The following RUNX3 variants were observed in gnomAD, a reference collection of about 807,000 sequenced individuals.
The protein encoded by RUNX3 is RUNX family transcription factor 3, also known as runt-related transcription factor 3.
Under a neutral mutation model 27.7 loss-of-function variants are expected in RUNX3, and 10 were observed. The observed-to-expected ratio is 0.36, with a 90% CI of 0.22 to 0.61. The LOEUF is 0.61. RUNX3 is among the 20% of genes least tolerant of loss of function. RUNX3 has a pLI of 0.72. For missense variants in RUNX3, 469 were observed against 629.5 expected (o/e 0.75, Z 2.73); for synonymous variants, 270 against 269.2 (o/e 1.00, Z -0.03).
chr1:24,923,652 T>C lies in RUNX3; in HGVS notation c.439+3922A>G, dbSNP rs1419721342. ...CATTCTCTGCCTGGGTTCCTATGTGTATAAGGTCCCCGCCCCACCCACAGG... is the reference window on the plus strand; with the variant it reads ...CATTCTCTGCCTGGGTTCCTATGTGCATAAGGTCCCCGCCCCACCCACAGG... On this transcript the variant is annotated intron_variant, in intron 2 of 4. Transcript: ENST00000308873. This position sits in a 1 kb window ranked among gnomAD's most constrained non-coding sequence, Gnocchi z 5.9. 6.6e-6 allele frequency among the ~76,000 whole-genome samples: 1 copy of C among 151,996 alleles called. No homozygotes were observed. Among genetic ancestry groups the C allele is most frequent in the African/African-American group, 2.4e-5 (1 of 41,362 alleles).
chr1:24,938,112 G>A (rs553438872), intron 2 of RUNX3, among the ~76,000 whole-genome samples: 2 of 152,334 alleles, frequency 1.3e-5, no homozygotes, highest in Admixed American at 1.3e-4. Flanking sequence ...AGATTGCCAT[G>A]TCCTATAACC....
upstream of RUNX3, among the ~76,000 whole-genome samples, chr1:24,934,881 G>C (rs909561742): frequency 2.6e-5 from 4 of 152,282 alleles, no homozygotes; most frequent in African/African-American, 9.6e-5. Context: ...AGCAGCCCTG[G>C]GCTTGGAAAT....
intron 2 of RUNX3, among the ~76,000 whole-genome samples, chr1:24,956,672 G>A (rs772784928): frequency 5.9e-5 from 9 of 152,186 alleles, no homozygotes; most frequent in Non-Finnish European, 1.2e-4. Context: ...CTTACCCCAC[G>A]GAGGTGGGGT....
At chr1:24,908,141 G>A (rs1322834364) in intron 3 of RUNX3, among the ~76,000 whole-genome samples, 1 of 131,348 alleles carries the variant, frequency 7.6e-6, no homozygotes, top group Admixed American at 7.2e-5. Flanking sequence ...TATGACACGC[G>A]GTGATCCGAA....
At position 24,901,002 on chromosome 1, in the gene RUNX3, T is replaced by A. The variant is rs1231800774; in HGVS notation, c.*1120A>T. ...TTAAGCTTCTTTTTCTAAAATCAGT[T>A]TTAAAAACTGTTTTGTTTTTTTTTT... On this transcript the variant is annotated 3_prime_UTR_variant, in exon 5 of 5. Coordinates refer to ENST00000308873, the MANE Select transcript of RUNX3 (RefSeq NM_004350.3). 1.3e-5 allele frequency: 2 copies of A among 152,074 alleles called. No individual in the cohort carries two copies. Among genetic ancestry groups the A allele is most frequent in the East Asian group, 3.8e-4 (2 of 5,228 alleles). 9.4% of individuals were successfully genotyped at this position (152,074 alleles called of 1,614,324 possible). A position where few individuals can be genotyped will look rare whatever the true frequency, so the allele number is the denominator to read the frequency against.
rs1255948543 is a variant in RUNX3 at position 24,900,102 on chromosome 1, A to C, written c.*2020T>G. 6.6e-6 allele frequency: 1 copy of C among 152,316 alleles called. No individual in the cohort carries two copies. Among genetic ancestry groups the C allele is most frequent in the African/African-American group, 2.4e-5 (1 of 41,456 alleles). The allele number at this position is 152,316 out of a possible 1,614,324, so 9.4% of individuals were successfully genotyped here. A position where few individuals can be genotyped will look rare whatever the true frequency, so the allele number is the denominator to read the frequency against. ...CGCTGACCTGGGACCAGCTATAACC[A>C]GAGAACAGGAGGGAAGAAACTACAA... On this transcript the variant is annotated 3_prime_UTR_variant, in exon 5 of 5. Coordinates refer to ENST00000308873, the MANE Select transcript of RUNX3 (RefSeq NM_004350.3).
intron 2 of RUNX3, among the ~76,000 whole-genome samples, chr1:24,926,937 T>TC (rs1641110653): frequency 9.3e-6 from 1 of 107,444 alleles, no homozygotes. Context: ...CCCACCCCCG[T>TC]CCCGCCTTCC....
intron 2 of RUNX3, among the ~76,000 whole-genome samples, chr1:24,949,860 C>A (rs968481502): frequency 6.6e-6 from 1 of 152,264 alleles, no homozygotes; most frequent in Admixed American, 6.5e-5. Flanking sequence ...GAGCATGGGG[C>A]CACCCCAGGA....
rs908896903 is a variant in RUNX3 at position 24,927,739 on chromosome 1, A to G, written c.283-9T>C. On this transcript the variant is annotated splice_polypyrimidine_tract_variant and intron_variant, in intron 1 of 4. Coordinates refer to ENST00000308873, the MANE Select transcript of RUNX3 (RefSeq NM_004350.3). This position sits in a 1 kb window ranked among gnomAD's most constrained non-coding sequence, Gnocchi z 5.0. ...TCCCCCAATGCCACCACCTGAAGAC[A>G]CGGGGCGGGGGGATGCAGGGGGACA... 14 of 1,597,894 alleles carry G rather than the reference A, an allele frequency of 8.8e-6. No homozygotes were observed. The highest frequency in any genetic ancestry group is 1.2e-5 in the Non-Finnish European group (14 of 1,170,802).
upstream of RUNX3, among the ~76,000 whole-genome samples, chr1:24,933,339 A>T (rs1349627862): frequency 1.3e-5 from 2 of 152,176 alleles, no homozygotes; most frequent in Admixed American, 1.3e-4. Flanking sequence ...CCTTCATAGA[A>T]TTGTGTGTAA....
chr1:24,910,037 C>T (rs1251153096), intron 3 of RUNX3, among the ~76,000 whole-genome samples: 2 of 152,308 alleles, frequency 1.3e-5, no homozygotes, highest in South Asian at 2.1e-4. Flanking sequence ...GTAATCCCAG[C>T]GCTTTGGGAA....
rs6672420 is a variant in RUNX3, at chr1:24,964,519, A to T, written c.53T>A (p.Ile18Asn). The T allele has an allele frequency of 0.5, 810,601 of 1,608,192 alleles. 208,979 individuals are homozygous for T. Among genetic ancestry groups the T allele is most frequent in the Admixed American group, 0.72 (42,652 of 59,520 alleles). The change falls in exon 2 of 7, where the codon ATC becomes AAC. Residue 18 changes from isoleucine (I) to asparagine (N), a missense_variant. Coordinates refer to the RUNX3 transcript ENST00000338888. ...CCTGGGCTATTGTTACTCACCGCGG[A>T]TGAAGGTCGGCGAGTAGGTCGGGAA...
chr1:24,939,977 C>T (rs1641438949), intron 2 of RUNX3, among the ~76,000 whole-genome samples: 1 of 152,222 alleles, frequency 6.6e-6, no homozygotes, highest in African/African-American at 2.4e-5. Flanking sequence ...CATGTGACAC[C>T]CCCAGGGGCC....
chr1:24,913,623 A>T (rs572540488), intron 3 of RUNX3, among the ~76,000 whole-genome samples: 8 of 152,338 alleles, frequency 5.3e-5, no homozygotes, highest in Admixed American at 5.2e-4. Flanking sequence ...GGCATATGAT[A>T]AAGGCCAAAG....
At chr1:24,907,822 C>G (rs1365578235) in intron 3 of RUNX3, among the ~76,000 whole-genome samples, 1 of 151,528 alleles carries the variant, frequency 6.6e-6, no homozygotes, top group South Asian at 2.1e-4. Context: ...ACACGGTGAT[C>G]TAAACCTCTA....
At chr1:24,911,843 A>G (rs1448105566) in intron 3 of RUNX3, among the ~76,000 whole-genome samples, 1 of 152,152 alleles carries the variant, frequency 6.6e-6, no homozygotes, top group Admixed American at 6.5e-5. Flanking sequence ...GGGTCAGGTA[A>G]TCTGACCCCG....
At chr1:24,928,084 A>G (rs1641134868) in intron 1 of RUNX3, among the ~76,000 whole-genome samples, 1 of 152,232 alleles carries the variant, frequency 6.6e-6, no homozygotes, top group Non-Finnish European at 1.5e-5. Context: ...GCAGCGAAAG[A>G]GGAATCAACA....
intron 4 of RUNX3, among the ~76,000 whole-genome samples, chr1:24,906,090 G>A (rs951739703): frequency 2.0e-5 from 3 of 152,218 alleles, no homozygotes; most frequent in African/African-American, 7.2e-5. Flanking sequence ...CCAGCCCCTG[G>A]CTGCAGCACT....
intron 2 of RUNX3, among the ~76,000 whole-genome samples, chr1:24,951,736 C>T (rs971507303): frequency 6.6e-6 from 1 of 152,214 alleles, no homozygotes; most frequent in Non-Finnish European, 1.5e-5. Flanking sequence ...TTTGGCGAGC[C>T]ACGCAGGCTC....
Sources: allele counts gnomAD v4.1 joint callset (sites outside exome capture counted in the v4.1 genomes callset), GRCh38; gene constraint gnomAD v4.1.1; non-coding constraint Gnocchi (gnomAD v3.1); transcripts MANE v1.5; gene names NCBI Gene and HGNC (gene_info 2026-07-23, HGNC 2026-07-21).